Variants in ZNF248 observed in about 807,000 individuals in gnomAD.
ZNF248 encodes zinc finger protein 248.
A neutral mutation model predicts 44.3 loss-of-function variants in ZNF248; 20 were observed. That is an observed-to-expected ratio of 0.45 (90% confidence interval 0.32 to 0.66). The LOEUF is 0.66. Among genes scored for constraint, ZNF248 ranks in the 30% least tolerant of loss-of-function variants. The probability of loss-of-function intolerance (pLI) is 0.04; values close to 1 mark genes in which losing one functional copy is unlikely to be tolerated. For missense variants in ZNF248, 654 were observed against 677.0 expected (o/e 0.97, Z 0.38); for synonymous variants, 224 against 229.0 (o/e 0.98, Z 0.20).
At chr10:37,795,690 C>G (rs958303451) in intron 6 of ZNF248, 7 of 152,158 alleles carry the variant, frequency 4.6e-5, no homozygotes, top group African/African-American at 1.7e-4. Context: ...AATGCAATGT[C>G]ACTTCCCACA....
intron 3 of ZNF248, among the ~76,000 whole-genome samples, chr10:37,850,971 A>G (rs771080481): frequency 2.6e-5 from 4 of 152,214 alleles, no homozygotes; most frequent in Non-Finnish European, 5.9e-5. Flanking sequence ...TCAAAGTGAA[A>G]AACTTTTGCT....
chr10:37,797,459 A>G lies in ZNF248; in HGVS notation c.331-20884T>C, dbSNP rs550698274. ...CAAAGAAAAAATGAATAAATTGAAC[A>G]TCAACAAAATTAAAACTTTTGTGCT... On this transcript the variant is annotated intron_variant, in intron 6 of 6. Transcript: ENST00000615949. 5.7e-4 allele frequency among the ~76,000 whole-genome samples: 87 copies of G among 152,306 alleles called. No individual in the cohort carries two copies. In the Middle Eastern group the frequency reaches 0.01, roughly 18 times the overall value.
chr10:37,848,282 A>G (rs557108498), intron 3 of ZNF248, among the ~76,000 whole-genome samples: 2 of 151,542 alleles, frequency 1.3e-5, no homozygotes, highest in South Asian at 4.2e-4. Flanking sequence ...CTCTCAAAAG[A>G]AAAAAGAAAA....
downstream of ZNF248, among the ~76,000 whole-genome samples, chr10:37,824,470 AG>A (rs2054016566): frequency 6.6e-6 from 1 of 152,116 alleles, no homozygotes; most frequent in African/African-American, 2.4e-5. Flanking sequence ...AGAGAGAAAT[AG>A]GTCTATTTAA....
At chr10:37,785,460 A>G (rs1387769356) in intron 6 of ZNF248, among the ~76,000 whole-genome samples, 1 of 152,174 alleles carries the variant, frequency 6.6e-6, no homozygotes, top group African/African-American at 2.4e-5. Flanking sequence ...GTGCATTGGG[A>G]ATTGGGCCTG....
At chr10:37,765,246 T>A in the ZNF248 span, among the ~76,000 whole-genome samples, 2 of 152,172 alleles carry the variant, frequency 1.3e-5, no homozygotes, top group Admixed American at 6.5e-5. Flanking sequence ...TGTGAGCCAC[T>A]GAGCCTGGGC....
the ZNF248 span, among the ~76,000 whole-genome samples, chr10:37,768,055 C>T: frequency 1.3e-4 from 20 of 152,304 alleles, 1 homozygote; most frequent in East Asian, 3.7e-3. Context: ...GTAAAGGGAT[C>T]AATTCAACAA....
rs1313968536 is a variant in ZNF248 at position 37,855,801 on chromosome 10, A to G, written c.15+495T>C. ...CATCAGATTGAAACATAAATGAGAA[A>G]CACAGAAACAAGTCGGAACTGTCAG... On this transcript the variant is annotated intron_variant, in intron 3 of 5. Transcript: ENST00000395867. 5.3e-5 allele frequency among the ~76,000 whole-genome samples: 8 copies of G among 152,232 alleles called. No homozygotes were observed. The East Asian group carries it at 1.5e-3, about 29-fold the overall frequency.
At chr10:37,791,959 G>A (rs570876858) in intron 6 of ZNF248, 7 of 152,272 alleles carry the variant, frequency 4.6e-5, no homozygotes, top group African/African-American at 1.7e-4. Context: ...AGAATAAAAG[G>A]GCCATAGGAT....
At chr10:37,843,003 G>A (rs1441932855) in intron 3 of ZNF248, among the ~76,000 whole-genome samples, 9 of 152,104 alleles carry the variant, frequency 5.9e-5, no homozygotes, top group South Asian at 4.2e-4. Flanking sequence ...GTACCCCAGC[G>A]CAGAGTCAAT....
At chr10:37,815,406 T>C (rs2052279865) in intron 6 of ZNF248, among the ~76,000 whole-genome samples, 1 of 151,968 alleles carries the variant, frequency 6.6e-6, no homozygotes, top group Admixed American at 6.6e-5. Flanking sequence ...AATGACCCTA[T>C]CTTCAAATTC....
At chr10:37,781,997 C>T (rs1372759956) in intron 6 of ZNF248, among the ~76,000 whole-genome samples, 2 of 152,192 alleles carry the variant, frequency 1.3e-5, no homozygotes, top group Non-Finnish European at 2.9e-5. Context: ...AAGTATTACA[C>T]ATAATGAAAA....
intron 6 of ZNF248, among the ~76,000 whole-genome samples, chr10:37,800,886 C>A (rs1184839904): frequency 1.3e-5 from 2 of 151,882 alleles, no homozygotes; most frequent in Non-Finnish European, 2.9e-5. Context: ...CTCAGCCTCC[C>A]AACTAGCTGG....
chr10:37,797,218 T>C (rs976103378), intron 6 of ZNF248, among the ~76,000 whole-genome samples: 4 of 151,358 alleles, frequency 2.6e-5, no homozygotes, highest in African/African-American at 9.8e-5. Flanking sequence ...AATTACGCTT[T>C]AAACAAAGAT....
chr10:37,840,287 A>T (rs1433949495), intron 3 of ZNF248, among the ~76,000 whole-genome samples: 1 of 152,190 alleles, frequency 6.6e-6, no homozygotes, highest in African/African-American at 2.4e-5. Flanking sequence ...TTACCTAAAA[A>T]GGTGTTAGAA....
Position 37,830,992 on chromosome 10 carries a change from T to C in ZNF248, c.*623A>G, listed in dbSNP as rs1356149043. ...CTTTTAAGTCAGTATGAGGTTATAC[T>C]AGCACATCACTATATTTAAGTATGT... On this transcript the variant is annotated 3_prime_UTR_variant, in exon 6 of 6. Transcript: ENST00000395867. 1.1e-4 allele frequency: 79 copies of C among 727,964 alleles called. No individual in the cohort carries two copies. Among genetic ancestry groups the C allele is most frequent in the Middle Eastern group, 5.7e-4 (1 of 1,762 alleles). The allele number at this position is 727,964 out of a possible 1,614,324, so 45.1% of individuals were successfully genotyped here.
chr10:37,761,490 C>A, the ZNF248 span, among the ~76,000 whole-genome samples: 1 of 152,216 alleles, frequency 6.6e-6, no homozygotes, highest in South Asian at 2.1e-4. Context: ...GATCAATGAA[C>A]AATTAAACTT....
At chr10:37,804,131 TTCTC>T (rs1186228722) in intron 6 of ZNF248, among the ~76,000 whole-genome samples, 1 of 147,376 alleles carries the variant, frequency 6.8e-6, no homozygotes, top group Non-Finnish European at 1.5e-5. Context: ...GAGACAGGGT[TTCTC>T]TCTCTGTCAC....
intron 6 of ZNF248, among the ~76,000 whole-genome samples, chr10:37,783,548 A>G (rs184694499): frequency 1.9e-4 from 29 of 152,374 alleles, no homozygotes; most frequent in Non-Finnish European, 1.0e-4. Context: ...TTTGTGCATC[A>G]AATGATGTTA....
Sources: allele counts gnomAD v4.1 joint callset (sites outside exome capture counted in the v4.1 genomes callset), GRCh38; gene constraint gnomAD v4.1.1; transcripts MANE v1.5; gene names NCBI Gene and HGNC (gene_info 2026-07-23, HGNC 2026-07-21).